ZBTB38: variants seen among roughly 807,000 people sequenced by gnomAD.
ZBTB38 encodes the protein zinc finger and BTB domain-containing protein 38.
A neutral mutation model predicts 76.8 loss-of-function variants in ZBTB38; 20 were observed. The observed-to-expected ratio is 0.26, with a 90% CI of 0.18 to 0.38. The LOEUF (loss-of-function observed/expected upper bound fraction) is 0.38, where lower values mean the gene tolerates loss of function less well. Ranked by LOEUF, ZBTB38 falls within the 10% of genes least tolerant of loss-of-function variation. The pLI is 1.00. For synonymous variants in ZBTB38, 504 were observed against 544.2 expected (o/e 0.93, Z 1.03); for missense variants, 1,082 against 1,482.3 (o/e 0.73, Z 4.43).
In ZBTB38 at chr3:141,434,669, CA is replaced by C. The variant is rs539315667; in HGVS notation, c.1-7717del. On this transcript the variant is annotated intron_variant, in intron 5 of 5. Coordinates refer to ENST00000321464, the MANE Select transcript of ZBTB38 (RefSeq NM_001376113.1). The stretch of plus-strand genomic sequence containing the variant: ...AGCAGGAGACAAAAACAGAAAATTC[CA>C]AATATGCTAATTTACTAGAATTTCC... 4.0e-3 allele frequency among the ~76,000 whole-genome samples: 611 copies of C among 152,084 alleles called. 3 individuals carry two copies. Among genetic ancestry groups the C allele is most frequent in the African/African-American group, 0.014 (590 of 41,480 alleles).
At chr3:141,367,566 T>C (rs1383933157), upstream of ZBTB38, 1 of 152,244 alleles carries the variant, frequency 6.6e-6, no homozygotes, top group Non-Finnish European at 1.5e-5. Context: ...TATTCCTTCA[T>C]TCACTCCAGC....
intron 3 of ZBTB38, among the ~76,000 whole-genome samples, chr3:141,383,325 T>C (rs1379039565): frequency 2.0e-5 from 3 of 152,238 alleles, no homozygotes; most frequent in African/African-American, 7.2e-5. Flanking sequence ...CATTAAAAAA[T>C]CTTAAACTTT....
intron 1 of ZBTB38, among the ~76,000 whole-genome samples, chr3:141,336,185 C>T (rs1377547281): frequency 2.6e-5 from 4 of 152,128 alleles, no homozygotes; most frequent in South Asian, 4.1e-4. Context: ...GACTGCTGGT[C>T]GATGGGACGT....
Position 141,446,760 on chromosome 3 carries a change from G to A in ZBTB38, c.*784G>A, listed in dbSNP as rs537015506. The A allele has an allele frequency of 6.5e-6, 1 of 152,760 alleles. No individual in the cohort carries two copies. Among genetic ancestry groups the A allele is most frequent in the South Asian group, 2.1e-4 (1 of 4,824 alleles). The allele number at this position is 152,760 out of a possible 1,614,324, so 9.5% of individuals were successfully genotyped here. On this transcript the variant is annotated 3_prime_UTR_variant, in exon 6 of 6. Transcript: ENST00000321464. ...ATGCTGTTCCCTTGAAGTTATGGCTGAGCTGTTCTTAGAACTGGTCTACTC... is the reference window on the plus strand; with the variant it reads ...ATGCTGTTCCCTTGAAGTTATGGCTAAGCTGTTCTTAGAACTGGTCTACTC...
chr3:141,336,979 A>G (rs1943031339), intron 1 of ZBTB38, among the ~76,000 whole-genome samples: 1 of 152,184 alleles, frequency 6.6e-6, no homozygotes, highest in South Asian at 2.1e-4. Flanking sequence ...AGCAGCTTTA[A>G]AAAAATAGTT....
upstream of ZBTB38, chr3:141,366,397 A>G (rs1423178277): frequency 6.6e-6 from 1 of 152,236 alleles, no homozygotes; most frequent in Non-Finnish European, 1.5e-5. Context: ...GAAAAGAATA[A>G]ACAAGTCTTC....
At position 141,444,963 on chromosome 3, in the gene ZBTB38, T is replaced by A; in HGVS notation, c.2575T>A (p.Phe859Ile). The A allele has an allele frequency of 6.2e-7, 1 of 1,614,050 alleles. No homozygotes were observed. Among genetic ancestry groups the A allele is most frequent in the Non-Finnish European group, 8.5e-7 (1 of 1,180,022 alleles). Residue 859 changes from phenylalanine to isoleucine, a missense_variant, in exon 6 of 6, where the codon TTT becomes ATT. Phe to Ile is a conservative substitution (Grantham distance 21). Transcript: ENST00000321464. The surrounding 1 kb of genome is among the most constrained non-coding windows in gnomAD (Gnocchi z 5.1). ...VKRHILGSKL[F>I]YKRGRRPKYQ... The stretch of plus-strand genomic sequence containing the variant: ...AAGGCACATTCTAGGATCTAAATTG[T>A]TTTATAAAAGAGGGAGAAGACCCAA...
At chr3:141,334,067 AAT>A (rs1559910640) in intron 1 of ZBTB38, among the ~76,000 whole-genome samples, 4 of 152,158 alleles carry the variant, frequency 2.6e-5, no homozygotes, top group Admixed American at 6.5e-5. Flanking sequence ...ACCCATAAAG[AAT>A]GGGACGCATA....
At chr3:141,340,624 G>A (rs922640751) in intron 1 of ZBTB38, among the ~76,000 whole-genome samples, 8 of 152,160 alleles carry the variant, frequency 5.3e-5, no homozygotes, top group Non-Finnish European at 1.0e-4. Flanking sequence ...TTGGCCGGGC[G>A]TGGTGGCTCA....
At chr3:141,394,717 G>T (rs867748837) in intron 4 of ZBTB38, among the ~76,000 whole-genome samples, 1 of 152,050 alleles carries the variant, frequency 6.6e-6, no homozygotes, top group Non-Finnish European at 1.5e-5. Context: ...TGTTTGAATC[G>T]CTTGGTCTCC....
chr3:141,416,806 G>T (rs373681999), intron 5 of ZBTB38, among the ~76,000 whole-genome samples: 1 of 152,172 alleles, frequency 6.6e-6, no homozygotes. Flanking sequence ...TAAGCGTTAC[G>T]CAGCCACAGG....
rs560855672 is a variant in ZBTB38 at position 141,443,974 on chromosome 3, A to G, written c.1586A>G (p.Tyr529Cys). The G allele has an allele frequency of 1.2e-5, 20 of 1,614,150 alleles. No homozygotes were observed. Among genetic ancestry groups the G allele is most frequent in the East Asian group, 4.5e-5 (2 of 44,888 alleles). The change falls in exon 6 of 6, where the codon TAT becomes TGT. Residue 529 changes from tyrosine to cysteine, a missense_variant. This residue lies in a region of ZBTB38 where 60 missense variants were observed against 126.0 expected (regional missense o/e 0.48). Transcript: ENST00000321464. The surrounding 1 kb of genome is among the most constrained non-coding windows in gnomAD (Gnocchi z 5.6). ...IFCLETFMTY[Y>C]ILKNHQKSFH... is the part of the protein sequence containing the mutation. ...TGTCTTGAAACTTTCATGACCTACT[A>G]TATACTCAAAAATCATCAGAAGTCT...
chr3:141,392,644 C>G (rs1949229715), intron 4 of ZBTB38: 1 of 152,250 alleles, frequency 6.6e-6, no homozygotes, highest in African/African-American at 2.4e-5. Context: ...TAATAAGCCA[C>G]CGTATGTCTG....
chr3:141,324,253 A>G (rs79981694), exon 1 of ZBTB38: 5,605 of 152,278 alleles, frequency 0.037, 261 homozygotes, highest in Admixed American at 0.14. Context: ...AGCCCTACCA[A>G]ATGAATATGG....
intron 1 of ZBTB38, among the ~76,000 whole-genome samples, chr3:141,352,467 C>T (rs916310487): frequency 4.5e-4 from 69 of 151,996 alleles, no homozygotes; most frequent in African/African-American, 1.6e-3. Flanking sequence ...GAGGGAAGGT[C>T]AATGGGAGGG....
At chr3:141,418,740 C>A (rs192916521) in intron 5 of ZBTB38, among the ~76,000 whole-genome samples, 1 of 152,092 alleles carries the variant, frequency 6.6e-6, no homozygotes, top group Non-Finnish European at 1.5e-5. Context: ...TATTGTGTAC[C>A]ATTAATTGAA....
intron 1 of ZBTB38, among the ~76,000 whole-genome samples, chr3:141,346,042 C>T (rs1342317949): frequency 6.6e-6 from 1 of 152,152 alleles, no homozygotes; most frequent in African/African-American, 2.4e-5. Flanking sequence ...CTACTGGGCT[C>T]CACTGCTCTA....
At chr3:141,425,975 CAGA>C in intron 5 of ZBTB38, 5 of 370,388 alleles carry the variant, frequency 1.3e-5, no homozygotes, top group East Asian at 7.7e-5. Context: ...TAGAACGGTG[CAGA>C]GCACACAGCA....
At chr3:141,396,721 G>T (rs1350534345) in intron 4 of ZBTB38, among the ~76,000 whole-genome samples, 7 of 152,202 alleles carry the variant, frequency 4.6e-5, no homozygotes, top group African/African-American at 1.7e-4. Context: ...TGTTGTGTTA[G>T]CAGGCATGAA....
Sources: allele counts gnomAD v4.1 joint callset (sites outside exome capture counted in the v4.1 genomes callset), GRCh38; gene constraint gnomAD v4.1.1; regional missense constraint gnomAD v4.1.1; non-coding constraint Gnocchi (gnomAD v3.1); transcripts MANE v1.5; gene names NCBI Gene and HGNC (gene_info 2026-07-23, HGNC 2026-07-21).